The following PPP1R12A variants were observed in gnomAD, a reference collection of about 807,000 sequenced individuals.
PPP1R12A encodes the protein protein phosphatase 1 regulatory subunit 12A.
PPP1R12A carries 19 observed loss-of-function variants against 139.6 expected under a neutral mutation model. The observed-to-expected ratio is 0.14, with a 90% CI of 0.09 to 0.20. The LOEUF is 0.20. Among genes scored for constraint, PPP1R12A ranks in the 10% least tolerant of loss-of-function variants. The pLI, the probability that PPP1R12A is intolerant of heterozygous loss-of-function variation, is 1.00. For synonymous variants in PPP1R12A, 427 were observed against 420.6 expected (o/e 1.02, Z -0.19); for missense variants, 925 against 1,211.5 (o/e 0.76, Z 3.51).
chr12:79,810,443 C>T (rs151145196), intron 9 of PPP1R12A, among the ~76,000 whole-genome samples: 3 of 152,284 alleles, frequency 2.0e-5, no homozygotes, highest in African/African-American at 7.2e-5. Context: ...CAGTTTTGCG[C>T]AAGCCCTGCC....
chr12:79,917,325 A>G (rs2136932998), intron 1 of PPP1R12A, among the ~76,000 whole-genome samples: 1 of 152,032 alleles, frequency 6.6e-6, no homozygotes, highest in Admixed American at 6.6e-5. Context: ...TCTCTACTAA[A>G]AATAGAAAAA....
At chr12:79,820,960 TTAGAA>T in intron 7 of PPP1R12A, 29 bp from the exon 8 acceptor site, 3 of 1,610,258 alleles carry the variant, frequency 1.9e-6, no homozygotes, top group Non-Finnish European at 2.5e-6. Context: ...GTTCAAATGA[TTAGAA>T]ATACAAAAGG....
chr12:79,779,218 G>T (rs1870112551), intron 23 of PPP1R12A: 1 of 885,564 alleles, frequency 1.1e-6, no homozygotes, highest in Non-Finnish European at 1.6e-6. Flanking sequence ...ACACATTATT[G>T]CAGTGTACTG....
At position 79,796,862 on chromosome 12, in the gene PPP1R12A, G is replaced by A; in HGVS notation, c.2381C>T (p.Ser794Leu). Residue 794 changes from serine to leucine, a missense_variant, in exon 17 of 25, where the codon TCA becomes TTA. Transcript: ENST00000450142. ...ACTATTTGGCCTGTTTAGTTGACTT[G>A]AAGCATACAGTGAACTGCTCATAGT... ...LSTMSSSLYASSQLNRPNSLV... is the reference protein window; with the variant it reads ...LSTMSSSLYALSQLNRPNSLV... 1 of 1,610,920 alleles carries A rather than the reference G, an allele frequency of 6.2e-7. No individual in the cohort carries two copies. Among genetic ancestry groups the A allele is most frequent in the Non-Finnish European group, 8.5e-7 (1 of 1,177,306 alleles).
intron 17 of PPP1R12A, 117 bp from the exon 18 acceptor site, chr12:79,795,876 A>G (rs1425975957): frequency 5.6e-6 from 5 of 900,810 alleles, no homozygotes; most frequent in Non-Finnish European, 6.3e-6. Flanking sequence ...GATGGAAGGT[A>G]GGCAGCTGCT....
rs1446409142 is a variant in PPP1R12A, at chr12:79,774,217, C to T, written c.*1712G>A. The T allele has an allele frequency of 6.6e-6, 1 of 152,124 alleles. No individual in the cohort carries two copies. Among genetic ancestry groups the T allele is most frequent in the African/African-American group, 2.4e-5 (1 of 41,418 alleles). The allele number at this position is 152,124 out of a possible 1,614,324, so 9.4% of individuals were successfully genotyped here. A position where few individuals can be genotyped will look rare whatever the true frequency, so the allele number is the denominator to read the frequency against. On this transcript the variant is annotated 3_prime_UTR_variant, in exon 25 of 25. Transcript: ENST00000450142. Reference sequence around the variant, plus strand: ...TTCAAATATAACCAAAAATAAAACTCCCACAACTATCCTTGTACCTTTAAA... The same window carrying T: ...TTCAAATATAACCAAAAATAAAACTTCCACAACTATCCTTGTACCTTTAAA...
At chr12:79,881,005 T>A (rs777742676) in intron 1 of PPP1R12A, among the ~76,000 whole-genome samples, 2 of 152,154 alleles carry the variant, frequency 1.3e-5, no homozygotes, top group African/African-American at 2.4e-5. Context: ...CCATGAACCA[T>A]ATTCATAGAA....
intron 19 of PPP1R12A, among the ~76,000 whole-genome samples, chr12:79,793,510 A>G (rs772317182): frequency 3.9e-5 from 6 of 152,188 alleles, no homozygotes; most frequent in Non-Finnish European, 5.9e-5. Context: ...TCCTTTGGCC[A>G]AGGGTACTAT....
At chr12:79,788,160 G>A (rs1871352003) in intron 21 of PPP1R12A, 1 of 152,442 alleles carries the variant, frequency 6.6e-6, no homozygotes, top group South Asian at 2.1e-4. Context: ...AATGCCATAA[G>A]CTTTCTCCTT....
intron 1 of PPP1R12A, among the ~76,000 whole-genome samples, chr12:79,882,277 A>G (rs1352702701): frequency 6.6e-6 from 1 of 152,242 alleles, no homozygotes; most frequent in Non-Finnish European, 1.5e-5. Flanking sequence ...TCACTATTCT[A>G]CATGCTATTA....
Position 79,930,478 on chromosome 12 carries a change from G to A in PPP1R12A, c.237+4217C>T, listed in dbSNP as rs113262033. Among the ~76,000 whole-genome samples, 800 of 152,152 alleles carry A rather than the reference G, an allele frequency of 5.3e-3. 8 individuals carry two copies. The highest frequency in any genetic ancestry group is 0.017 in the African/African-American group (716 of 41,522). ...ACAATTAAGCTATTACTATACTCTA[G>A]GGATAAAAATAAGGCTAGGTGCGGT... On this transcript the variant is annotated intron_variant, in intron 1 of 24. Transcript: ENST00000450142.
At chr12:79,912,362 G>C (rs549546178) in intron 1 of PPP1R12A, among the ~76,000 whole-genome samples, 2 of 152,218 alleles carry the variant, frequency 1.3e-5, no homozygotes, top group African/African-American at 4.8e-5. Flanking sequence ...CCAGTATTAT[G>C]ACCGGCACAC....
intron 1 of PPP1R12A, among the ~76,000 whole-genome samples, chr12:79,909,454 C>T (rs1221324884): frequency 3.9e-5 from 6 of 152,110 alleles, no homozygotes; most frequent in South Asian, 4.1e-4. Flanking sequence ...TTCTGCACCC[C>T]GGCTGGGCAT....
chr12:79,849,812 G>C (rs1208336015), intron 2 of PPP1R12A, among the ~76,000 whole-genome samples: 1 of 152,046 alleles, frequency 6.6e-6, no homozygotes, highest in African/African-American at 2.4e-5. Context: ...CCTAGTACAG[G>C]ATGAAATTCT....
intron 3 of PPP1R12A, among the ~76,000 whole-genome samples, chr12:79,839,030 C>T (rs1878406907): frequency 6.6e-6 from 1 of 152,154 alleles, no homozygotes; most frequent in East Asian, 1.9e-4. Flanking sequence ...TGAAAGAAGC[C>T]AGGAGTGGGG....
At chr12:79,816,053 T>C (rs1419703686) in intron 9 of PPP1R12A, among the ~76,000 whole-genome samples, 2 of 152,012 alleles carry the variant, frequency 1.3e-5, no homozygotes, top group Non-Finnish European at 2.9e-5. Context: ...CAAATCCAAA[T>C]ATTGGCAAGA....
intron 24 of PPP1R12A, among the ~76,000 whole-genome samples, chr12:79,776,788 A>T (rs1436054455): frequency 6.6e-6 from 1 of 152,106 alleles, no homozygotes; most frequent in Non-Finnish European, 1.5e-5. Flanking sequence ...AGGATGATTA[A>T]AACTGTATGT....
chr12:79,932,198 T>G (rs1410631295), intron 1 of PPP1R12A, among the ~76,000 whole-genome samples: 2 of 152,228 alleles, frequency 1.3e-5, no homozygotes, highest in Admixed American at 1.3e-4. Context: ...CAAGGACTAT[T>G]AAATCAGTGA....
intron 1 of PPP1R12A, among the ~76,000 whole-genome samples, chr12:79,887,083 A>G (rs1884173239): frequency 6.6e-6 from 1 of 152,144 alleles, no homozygotes; most frequent in African/African-American, 2.4e-5. Flanking sequence ...TAAGTCATTC[A>G]TTTTGGTAGA....
Sources: allele counts gnomAD v4.1 joint callset (sites outside exome capture counted in the v4.1 genomes callset), GRCh38; gene constraint gnomAD v4.1.1; transcripts MANE v1.5; gene names NCBI Gene and HGNC (gene_info 2026-07-23, HGNC 2026-07-21).